Variants in KCNQ3 observed in about 807,000 individuals in gnomAD.
The protein encoded by KCNQ3 is potassium voltage-gated channel subfamily KQT member 3.
Under a neutral mutation model 92.5 loss-of-function variants are expected in KCNQ3, and 30 were observed. The ratio of observed to expected loss-of-function variants is 0.32; its 90% confidence interval spans 0.24 to 0.44. KCNQ3 has a LOEUF of 0.44. KCNQ3 is among the 20% of genes least tolerant of loss of function. The probability of loss-of-function intolerance (pLI) is 1.00; values close to 1 mark genes in which losing one functional copy is unlikely to be tolerated. For missense variants in KCNQ3, 913 were observed against 1,140.3 expected, an observed-to-expected ratio of 0.80 and a Z score of 2.87; for synonymous variants, 450 against 468.8, an observed-to-expected ratio of 0.96 and a Z score of 0.52.
chr8:132,463,772 T>C (rs1436338451), intron 1 of KCNQ3, among the ~76,000 whole-genome samples: 1 of 152,246 alleles, frequency 6.6e-6, no homozygotes, highest in Non-Finnish European at 1.5e-5. Flanking sequence ...GGAATTATGA[T>C]ACCATATTGA....
intron 9 of KCNQ3, among the ~76,000 whole-genome samples, chr8:132,143,458 C>G (rs1304391640): frequency 6.6e-6 from 1 of 152,174 alleles, no homozygotes; most frequent in Non-Finnish European, 1.5e-5. Context: ...TTGAACACAG[C>G]ACATTTCCCT....
chr8:132,138,046 T>G (rs1396070339), intron 11 of KCNQ3, 30 bp from the exon 12 acceptor site: 2 of 1,602,388 alleles, frequency 1.2e-6, no homozygotes, highest in Non-Finnish European at 8.5e-7. Context: ...CATTTGTGCA[T>G]CCCATGTGGA....
At chr8:132,182,175 T>C (rs1476121543) in intron 3 of KCNQ3, among the ~76,000 whole-genome samples, 1 of 152,160 alleles carries the variant, frequency 6.6e-6, no homozygotes, top group Non-Finnish European at 1.5e-5. Flanking sequence ...TGGATACTGA[T>C]ACATCTGCAT....
chr8:132,342,270 C>G (rs138296426), intron 1 of KCNQ3, among the ~76,000 whole-genome samples: 3,611 of 152,196 alleles, frequency 0.024, 57 homozygotes, highest in African/African-American at 0.039. Flanking sequence ...TCACCTCCCC[C>G]TCCCCCTGAA....
rs7815891 is a variant in KCNQ3 at position 132,265,068 on chromosome 8, T to C, written c.387-78887A>G. Among the ~76,000 whole-genome samples, 1,212 of 146,462 alleles carry C rather than the reference T, an allele frequency of 8.3e-3. 16 individuals carry two copies. The highest frequency in any genetic ancestry group is 0.028 in the African/African-American group (1,162 of 40,962). ...ACCTGTAAAATGGGAATAGCTAACA[T>C]GTAGGGCTGCTAAAAGGACTGCTAA... On this transcript the variant is annotated intron_variant, in intron 1 of 14. Coordinates refer to ENST00000388996, the MANE Select transcript of KCNQ3 (RefSeq NM_004519.4).
At chr8:132,479,747 C>G (rs1449114013) in intron 1 of KCNQ3, among the ~76,000 whole-genome samples, 1 of 151,702 alleles carries the variant, frequency 6.6e-6, no homozygotes, top group Non-Finnish European at 1.5e-5. Flanking sequence ...AACAGAAACA[C>G]AGAGCTCACG....
At position 132,126,442 on chromosome 8, in the gene KCNQ3, C is replaced by A. The variant is rs143487046; in HGVS notation, c.*2820G>T. On this transcript the variant is annotated 3_prime_UTR_variant, in exon 15 of 15. Coordinates refer to ENST00000388996, the MANE Select transcript of KCNQ3 (RefSeq NM_004519.4). ...AGGCAACTTGAGCAGGTTTGGTTTG[C>A]CTTTCTGGAATATATTTTTTGGGGA... is the stretch of plus-strand genomic sequence containing the variant. The A allele has an allele frequency of 2.0e-5, 3 of 152,170 alleles. No individual in the cohort carries two copies. The highest frequency in any genetic ancestry group is 7.2e-5 in the African/African-American group (3 of 41,510). 9.4% of individuals were successfully genotyped at this position (152,170 alleles called of 1,614,324 possible). A position where few individuals can be genotyped will look rare whatever the true frequency, so the allele number is the denominator to read the frequency against.
intron 1 of KCNQ3, among the ~76,000 whole-genome samples, chr8:132,466,178 TTTAATTCA>T (rs1280094460): frequency 6.6e-6 from 1 of 152,112 alleles, no homozygotes; most frequent in Non-Finnish European, 1.5e-5. Flanking sequence ...TACAAATACT[TTTAATTCA>T]TTTTTTTCCG....
At chr8:132,210,787 C>T (rs1432663275) in intron 1 of KCNQ3, among the ~76,000 whole-genome samples, 1 of 152,192 alleles carries the variant, frequency 6.6e-6, no homozygotes, top group African/African-American at 2.4e-5. Context: ...TGGTGCTGTA[C>T]TTTGATGTTA....
chr8:132,382,978 GTC>G (rs1177375648), intron 1 of KCNQ3, among the ~76,000 whole-genome samples: 1 of 152,202 alleles, frequency 6.6e-6, no homozygotes, highest in Middle Eastern at 3.2e-3. Context: ...CAATGAGGCA[GTC>G]TCTACATTGT....
Position 132,230,449 on chromosome 8 carries a change from CAGAGAGAGAG to C in KCNQ3, c.387-44278_387-44269del, listed in dbSNP as rs5895132. ...CACCACAGGCAGAGAGAGAGAGAGA[CAGAGAGAGAG>C]AGAGAGAGAGAGAGAGAGAGAGAAA... On this transcript the variant is annotated intron_variant, in intron 1 of 14. Transcript: ENST00000388996. Among the ~76,000 whole-genome samples, 870 of 142,454 alleles carry C rather than the reference CAGAGAGAGAG, an allele frequency of 6.1e-3. 6 individuals are homozygous for C. The highest frequency in any genetic ancestry group is 0.021 in the African/African-American group (809 of 38,996). The allele number at this position is 142,454 out of a possible 152,430, so 93.5% of individuals were successfully genotyped here.
Position 132,168,717 on chromosome 8 carries a change from A to ATGTG in KCNQ3, c.1235+1613_1235+1616dup, listed in dbSNP as rs568659056. Among the ~76,000 whole-genome samples, 36 of 108,516 alleles carry ATGTG rather than the reference A, an allele frequency of 3.3e-4. No homozygotes were observed. In the East Asian group the frequency reaches 4.4e-3, roughly 13 times the overall value. The allele number at this position is 108,516 out of a possible 152,430, so 71.2% of individuals were successfully genotyped here. On this transcript the variant is annotated intron_variant, in intron 8 of 14. Coordinates refer to ENST00000388996, the MANE Select transcript of KCNQ3 (RefSeq NM_004519.4). ...GAAAGAGAAATTGAGGATAATGAATATGTGTGTGTGTGTGTGTGTGTGTGT... is the reference window on the plus strand; with the variant it reads ...GAAAGAGAAATTGAGGATAATGAATATGTGTGTGTGTGTGTGTGTGTGTGTGTGT...
In KCNQ3 at chr8:132,410,581, C is replaced by T. The variant is rs1030236605; in HGVS notation, c.386+69566G>A. On this transcript the variant is annotated intron_variant, in intron 1 of 14. Coordinates refer to ENST00000388996, the MANE Select transcript of KCNQ3 (RefSeq NM_004519.4). ...CCCAGTGCCTGGCACACAGTAAGTG[C>T]CCAGTGACAGCCAGTTAGCAGCAGC... 5.9e-5 allele frequency among the ~76,000 whole-genome samples: 9 copies of T among 152,344 alleles called. No individual in the cohort carries two copies. In the East Asian group the frequency reaches 1.7e-3, roughly 29 times the overall value.
chr8:132,421,664 A>C (rs1267377665), intron 1 of KCNQ3, among the ~76,000 whole-genome samples: 1 of 152,142 alleles, frequency 6.6e-6, no homozygotes, highest in Non-Finnish European at 1.5e-5. Flanking sequence ...CAGCAAAAAC[A>C]ATGTGTTCCA....
chr8:132,211,971 AAC>A (rs1455617769), intron 1 of KCNQ3, among the ~76,000 whole-genome samples: 5 of 150,958 alleles, frequency 3.3e-5, no homozygotes, highest in African/African-American at 1.2e-4. Flanking sequence ...AAAAAAAAAA[AAC>A]TTTTAACAAG....
At chr8:132,148,227 A>G (rs116042725) in intron 9 of KCNQ3, among the ~76,000 whole-genome samples, 3,054 of 152,244 alleles carry the variant, frequency 0.02, 116 homozygotes, top group African/African-American at 0.071. Context: ...TGGTATAAAC[A>G]TTGAAGAAGA....
At chr8:132,252,989 T>C (rs1815466183) in intron 1 of KCNQ3, among the ~76,000 whole-genome samples, 1 of 152,222 alleles carries the variant, frequency 6.6e-6, no homozygotes. Context: ...CCAATCCATT[T>C]CACCACACTC....
chr8:132,401,908 G>A (rs1019451479), intron 1 of KCNQ3, among the ~76,000 whole-genome samples: 3 of 152,200 alleles, frequency 2.0e-5, no homozygotes, highest in Non-Finnish European at 4.4e-5. Context: ...GGGGCTGGGA[G>A]AACCTAGAGT....
intron 4 of KCNQ3, among the ~76,000 whole-genome samples, chr8:132,176,018 G>T (rs190308075): frequency 6.6e-6 from 1 of 152,158 alleles, no homozygotes; most frequent in Non-Finnish European, 1.5e-5. Context: ...CAGGGTCTCT[G>T]TCCAGAGACC....
Sources: gnomAD v4.1 joint callset for allele counts (sites outside exome capture counted in the v4.1 genomes callset) on GRCh38, gnomAD v4.1.1 for gene constraint, MANE v1.5 for transcripts, NCBI Gene and HGNC (gene_info 2026-07-23, HGNC 2026-07-21) for gene names.